Variants in VCL observed in about 807,000 individuals in gnomAD.
The protein encoded by VCL is epididymis luminal protein 114.
In VCL, 47 loss-of-function variants were observed where a neutral mutation model predicts 125.7. The ratio of observed to expected loss-of-function variants is 0.37; its 90% CI spans 0.30 to 0.48. The LOEUF (loss-of-function observed/expected upper bound fraction) is 0.48, where lower values mean the gene tolerates loss of function less well. Ranked by LOEUF, VCL falls within the 20% of genes least tolerant of loss-of-function variation. The probability of loss-of-function intolerance (pLI) is 0.99; values close to 1 mark genes in which losing one functional copy is unlikely to be tolerated. For synonymous variants in VCL, 458 were observed against 514.6 expected, an observed-to-expected ratio of 0.89 and a Z score of 1.49; for missense variants, 1,069 against 1,455.5, an observed-to-expected ratio of 0.73 and a Z score of 4.32.
At chr10:74,098,006 AC>A (rs765879302) in intron 13 of VCL, among the ~76,000 whole-genome samples, 21 of 152,198 alleles carry the variant, frequency 1.4e-4, no homozygotes, top group Middle Eastern at 3.2e-3. Flanking sequence ...GAAGAGATGG[AC>A]ATGTTTCGCT....
chr10:74,039,688 G>C (rs1233571779), intron 1 of VCL, among the ~76,000 whole-genome samples: 1 of 151,860 alleles, frequency 6.6e-6, no homozygotes, highest in Non-Finnish European at 1.5e-5. Context: ...CCGGACGGAG[G>C]ATCACTTGAG....
intron 5 of VCL, among the ~76,000 whole-genome samples, chr10:74,074,427 G>A (rs770147641): frequency 2.6e-5 from 4 of 152,116 alleles, no homozygotes; most frequent in Non-Finnish European, 5.9e-5. Context: ...CCAGGGTGAG[G>A]GCCAGGATGA....
intron 1 of VCL, among the ~76,000 whole-genome samples, chr10:74,018,177 G>GATATATATATAT (rs72407698): frequency 0.021 from 1,707 of 81,582 alleles, 54 homozygotes; most frequent in African/African-American, 0.041. Flanking sequence ...ATATATATAG[G>GATATATATATAT]ATATATATAT....
At chr10:74,023,778 G>C (rs887582828) in intron 1 of VCL, among the ~76,000 whole-genome samples, 2 of 152,212 alleles carry the variant, frequency 1.3e-5, no homozygotes, top group Non-Finnish European at 2.9e-5. Context: ...TCTATGAAGA[G>C]CAGTGATGAA....
intron 19 of VCL, among the ~76,000 whole-genome samples, chr10:74,113,055 G>A (rs1840253917): frequency 6.6e-6 from 1 of 152,186 alleles, no homozygotes; most frequent in Non-Finnish European, 1.5e-5. Flanking sequence ...ATGATGAACC[G>A]CTTCATGGTG....
rs140381835 is a variant in VCL, at chr10:74,107,267, C to G, written c.2472C>G (p.Ile824Met). 500 of 1,614,204 alleles carry G rather than the reference C, an allele frequency of 3.1e-4. 9 individuals are homozygous for G. The East Asian group carries it at 0.011, about 36-fold the overall frequency. The change falls in exon 17 of 22, where the codon ATC becomes ATG. Residue 824 changes from isoleucine to methionine, a missense_variant. Coordinates refer to ENST00000211998, the MANE Select transcript of VCL (RefSeq NM_014000.3). ...GCTTCCTGGACTCAGGATATCGGAT[C>G]CTGGGAGCTGTGGCCAAGGTCAGAG... ...QKSFLDSGYR[I>M]LGAVAKVREA... is the part of the protein sequence containing the mutation.
At chr10:74,075,095 G>C in intron 6 of VCL, 192 bp downstream of exon 6, 6 of 705,840 alleles carry the variant, frequency 8.5e-6, no homozygotes, top group Non-Finnish European at 1.4e-5. Context: ...TTTGTTCTAA[G>C]GTAGAACAAG....
At chr10:74,101,879 T>C (rs1223046574) in intron 14 of VCL, among the ~76,000 whole-genome samples, 2 of 151,392 alleles carry the variant, frequency 1.3e-5, no homozygotes, top group Non-Finnish European at 2.9e-5. Context: ...TTTTTTTTTT[T>C]TGAGGGACAG....
chr10:74,098,447 A>G (rs538348041), intron 13 of VCL, among the ~76,000 whole-genome samples: 15 of 152,010 alleles, frequency 9.9e-5, no homozygotes, highest in Admixed American at 2.0e-4. Flanking sequence ...GCAGGGAGGG[A>G]CTTTATTCTG....
chr10:74,041,925 A>G (rs1841101636), intron 1 of VCL, among the ~76,000 whole-genome samples: 1 of 152,238 alleles, frequency 6.6e-6, no homozygotes. Context: ...AAAAAATAAC[A>G]AAACAACTTA....
chr10:74,084,614 C>T (rs1471795677), intron 8 of VCL, among the ~76,000 whole-genome samples: 2 of 147,094 alleles, frequency 1.4e-5, no homozygotes, highest in African/African-American at 5.0e-5. Context: ...TTTTCTTTTT[C>T]TTTTTTATTT....
intron 1 of VCL, among the ~76,000 whole-genome samples, chr10:74,011,413 T>C (rs1431113073): frequency 6.6e-6 from 1 of 152,188 alleles, no homozygotes; most frequent in East Asian, 1.9e-4. Context: ...TCGAATTTTC[T>C]TCCCCCTCTC....
chr10:74,080,115 A>AT (rs1228220666), intron 6 of VCL, among the ~76,000 whole-genome samples: 1 of 152,080 alleles, frequency 6.6e-6, no homozygotes, highest in African/African-American at 2.4e-5. Flanking sequence ...GACAAAAACT[A>AT]TTTTTTCCAT....
chr10:74,027,366 T>C (rs1840791700), intron 1 of VCL, among the ~76,000 whole-genome samples: 1 of 151,680 alleles, frequency 6.6e-6, no homozygotes, highest in African/African-American at 2.4e-5. Context: ...CACCCTCATA[T>C]AGTCATAGAG....
chr10:74,060,610 C>T (rs1413972843), intron 2 of VCL, among the ~76,000 whole-genome samples: 13 of 141,978 alleles, frequency 9.2e-5, no homozygotes, highest in African/African-American at 3.2e-4. Flanking sequence ...GAGCTGAGAT[C>T]GCGCCACTGC....
At chr10:74,062,535 T>A (rs1023388059) in intron 2 of VCL, among the ~76,000 whole-genome samples, 1 of 152,094 alleles carries the variant, frequency 6.6e-6, no homozygotes, top group African/African-American at 2.4e-5. Flanking sequence ...GGAGTACAGT[T>A]ATGACCATTT....
chr10:74,104,176 T>C (rs1296891406), intron 15 of VCL, among the ~76,000 whole-genome samples: 1 of 152,202 alleles, frequency 6.6e-6, no homozygotes, highest in Non-Finnish European at 1.5e-5. Flanking sequence ...GTGATGTTTA[T>C]TGTCACCACT....
intron 15 of VCL, 36 bp downstream of exon 15, chr10:74,103,964 A>T: frequency 6.3e-7 from 1 of 1,595,502 alleles, no homozygotes. Flanking sequence ...TGTCTAATCC[A>T]TGAAGAATGA....
intron 18 of VCL, among the ~76,000 whole-genome samples, chr10:74,109,576 C>CTTTTTTTTTT (rs3037358): frequency 2.0e-5 from 3 of 147,312 alleles, no homozygotes; most frequent in African/African-American, 5.0e-5. Context: ...TTTGCATTTT[C>CTTTTTTTTTT]TTTTTTTTTC....
Sources: gnomAD v4.1 joint callset for allele counts (sites outside exome capture counted in the v4.1 genomes callset) on GRCh38, gnomAD v4.1.1 for gene constraint, MANE v1.5 for transcripts, NCBI Gene and HGNC (gene_info 2026-07-23, HGNC 2026-07-21) for gene names.